OR1F1: variants seen among roughly 807,000 people sequenced by gnomAD.
OR1F1 encodes olfactory receptor 1F1.
For missense variants in OR1F1, 493 were observed against 376.3 expected, an observed-to-expected ratio of 1.31 and a Z score of -2.57; for synonymous variants, 184 against 156.7, an observed-to-expected ratio of 1.17 and a Z score of -1.30.
At chr16:3,193,177 T>C in the OR1F1 span, among the ~76,000 whole-genome samples, 7,885 of 152,242 alleles carry the variant, frequency 0.052, 688 homozygotes, top group African/African-American at 0.18. Flanking sequence ...TCCACCGCCT[T>C]GGCCTCCCAA....
exon 1 of OR1F1, chr16:3,205,057 G>A: frequency 6.2e-7 from 1 of 1,614,070 alleles, no homozygotes; most frequent in African/African-American, 1.3e-5. Flanking sequence ...AGCTGAGAAA[G>A]ACACTATGGC....
chr16:3,196,484 G>A, the OR1F1 span, among the ~76,000 whole-genome samples: 1 of 151,544 alleles, frequency 6.6e-6, no homozygotes, highest in Non-Finnish European at 1.5e-5. Context: ...CCCAGGCTGA[G>A]GATATCTTCC....
the OR1F1 span, among the ~76,000 whole-genome samples, chr16:3,194,016 G>T: frequency 6.6e-6 from 1 of 152,122 alleles, no homozygotes; most frequent in Non-Finnish European, 1.5e-5. Context: ...TAGGTGACTT[G>T]GGGTAAGGTA....
chr16:3,204,866 T>G, exon 1 of OR1F1: 2 of 1,614,170 alleles, frequency 1.2e-6, no homozygotes, highest in Non-Finnish European at 1.7e-6. Flanking sequence ...GCCCTGGTCA[T>G]GATCACCCCA....
chr16:3,189,062 T>TAGGCCTC, the OR1F1 span, among the ~76,000 whole-genome samples: 1 of 152,130 alleles, frequency 6.6e-6, no homozygotes, highest in Admixed American at 6.5e-5. Flanking sequence ...CGTCAGCCTT[T>TAGGCCTC]AGGGTTCGAG....
chr16:3,193,304 C>A, the OR1F1 span, among the ~76,000 whole-genome samples: 19 of 152,194 alleles, frequency 1.2e-4, no homozygotes, highest in Non-Finnish European at 8.8e-5. Flanking sequence ...TCAAGGGCCT[C>A]GCGTCAAGGC....
rs200138081 is a variant in OR1F1, at chr16:3,204,252, C to T, written c.6C>T (p.Ser2=). Residue 2 remains serine (S), a synonymous_variant, in exon 1 of 1, where the codon AGC becomes AGT. Coordinates refer to ENST00000304646, the Ensembl canonical transcript of OR1F1. ...GTGTCCAGGATCCCAGGCCCATGAGCGGGACAAACCAGTCGAGTGTCTCCG... is the reference window on the plus strand; with the variant it reads ...GTGTCCAGGATCCCAGGCCCATGAGTGGGACAAACCAGTCGAGTGTCTCCG... 116 of 1,593,824 alleles carry T rather than the reference C, an allele frequency of 7.3e-5. No homozygotes were observed. In the East Asian group the frequency reaches 1.4e-3, roughly 19 times the overall value.
downstream of OR1F1, among the ~76,000 whole-genome samples, chr16:3,206,451 G>A (rs572181210): frequency 4.6e-5 from 7 of 152,002 alleles, no homozygotes; most frequent in East Asian, 1.9e-4. Context: ...CTCCCTGTTC[G>A]TACACCCCCA....
chr16:3,195,683 A>G, the OR1F1 span, among the ~76,000 whole-genome samples: 1 of 151,760 alleles, frequency 6.6e-6, no homozygotes, highest in Admixed American at 6.6e-5. Flanking sequence ...ACTCAAAAAA[A>G]AAAAAAAAAA....
upstream of OR1F1, chr16:3,204,183 A>G (rs1363162458): frequency 3.1e-6 from 4 of 1,279,218 alleles, no homozygotes; most frequent in East Asian, 9.7e-5. Flanking sequence ...CATCTTAACC[A>G]GCATTTTCCA....
chr16:3,191,981 G>A, the OR1F1 span, among the ~76,000 whole-genome samples: 5 of 152,318 alleles, frequency 3.3e-5, no homozygotes, highest in Non-Finnish European at 5.9e-5. Context: ...TAAAGGGCCT[G>A]CTGCTGTGGC....
upstream of OR1F1, among the ~76,000 whole-genome samples, chr16:3,201,445 G>C (rs1958134224): frequency 6.6e-6 from 1 of 152,166 alleles, no homozygotes; most frequent in Non-Finnish European, 1.5e-5. Flanking sequence ...CAGCAATGTA[G>C]AGCTCTAGTT....
chr16:3,205,325 AT>A (rs1000516855), downstream of OR1F1: 140 of 650,556 alleles, frequency 2.2e-4, no homozygotes, highest in Admixed American at 3.1e-4. Context: ...ATTAATTATA[AT>A]TTTTTTTGAG....
rs1958188658 is a variant in OR1F1 at position 3,205,058 on chromosome 16, A to G, written c.812A>G (p.Asp271Gly). The change falls in exon 1 of 1, where the codon GAC (aspartate) becomes GGC (glycine). Residue 271 changes from aspartate to glycine, a missense_variant. Physicochemically the swap from Asp to Gly is moderately conservative, Grantham distance 94. Coordinates refer to ENST00000304646, the Ensembl canonical transcript of OR1F1. ...CTGTCCTCCCACTCAGCTGAGAAAG[A>G]CACTATGGCTACTGTGTTGTATACA... 1 of 1,613,938 alleles carries G rather than the reference A, an allele frequency of 6.2e-7. No homozygotes were observed. Among genetic ancestry groups the G allele is most frequent in the Non-Finnish European group, 8.5e-7 (1 of 1,179,978 alleles).
exon 1 of OR1F1, chr16:3,204,490 C>G: frequency 6.2e-7 from 1 of 1,614,202 alleles, no homozygotes; most frequent in African/African-American, 1.3e-5. Context: ...CCCCAAGATG[C>G]TGGCCAATCA....
upstream of OR1F1, among the ~76,000 whole-genome samples, chr16:3,201,587 A>G (rs1958136095): frequency 1.3e-5 from 2 of 152,176 alleles, no homozygotes; most frequent in African/African-American, 4.8e-5. Context: ...GGATTCCCGC[A>G]TGGAATGGAT....
At chr16:3,190,634 C>G in the OR1F1 span, among the ~76,000 whole-genome samples, 4,377 of 151,528 alleles carry the variant, frequency 0.029, 222 homozygotes, top group African/African-American at 0.099. Context: ...GCCTGTAATC[C>G]CAGGTACTAG....
chr16:3,198,772 A>G, the OR1F1 span, among the ~76,000 whole-genome samples: 11,947 of 151,484 alleles, frequency 0.079, 1,569 homozygotes, highest in African/African-American at 0.27. Context: ...AGGATCACTT[A>G]AGCCCAAGCG....
the OR1F1 span, among the ~76,000 whole-genome samples, chr16:3,195,194 C>A: frequency 6.6e-6 from 1 of 152,188 alleles, no homozygotes; most frequent in African/African-American, 2.4e-5. Flanking sequence ...CCAACCGTTC[C>A]TTCTCTTCCT....
Sources: gnomAD v4.1 joint callset for allele counts (sites outside exome capture counted in the v4.1 genomes callset) on GRCh38, gnomAD v4.1.1 for gene constraint, MANE v1.5 for transcripts, NCBI Gene and HGNC (gene_info 2026-07-23, HGNC 2026-07-21) for gene names.